GRIP1: variants seen among roughly 807,000 people sequenced by gnomAD.
GRIP1 encodes the protein glutamate receptor-interacting protein 1.
GRIP1 carries 45 observed loss-of-function variants against 129.9 expected under a neutral mutation model. The observed-to-expected ratio is 0.35, with a 90% CI of 0.27 to 0.44. The LOEUF (loss-of-function observed/expected upper bound fraction) is 0.44. GRIP1 is among the 20% of genes least tolerant of loss of function. The pLI is 1.00. For synonymous variants in GRIP1, 530 were observed against 520.8 expected (o/e 1.02, Z -0.24); for missense variants, 1,196 against 1,396.8 (o/e 0.86, Z 2.29).
rs577806689 is a variant in GRIP1 at position 66,451,612 on chromosome 12, G to A, written c.1354+3797C>T. The stretch of plus-strand genomic sequence containing the variant: ...TTTTGTAGAGACAGGGTTTCACCAT[G>A]TTGCCCAAACTGGTCTCAAACTCCT... On this transcript the variant is annotated intron_variant, in intron 11 of 24. Transcript: ENST00000359742. Among the ~76,000 whole-genome samples the A allele has an allele frequency of 7.9e-5, 12 of 151,752 alleles. No homozygotes were observed. The South Asian group carries it at 2.5e-3, about 32-fold the overall frequency.
At chr12:66,961,331 G>A (rs1346961871) in intron 1 of GRIP1, among the ~76,000 whole-genome samples, 1 of 152,064 alleles carries the variant, frequency 6.6e-6, no homozygotes, top group African/African-American at 2.4e-5. Context: ...TAGGGAAGTA[G>A]GAGGCGGGGA....
intron 7 of GRIP1, among the ~76,000 whole-genome samples, chr12:66,465,712 C>G (rs1487415799): frequency 6.6e-6 from 1 of 152,208 alleles, no homozygotes; most frequent in African/African-American, 2.4e-5. Context: ...TCTTTATCCC[C>G]TCCACAGTGC....
intron 1 of GRIP1, among the ~76,000 whole-genome samples, chr12:66,622,514 T>A (rs956725016): frequency 6.6e-6 from 1 of 152,146 alleles, no homozygotes; most frequent in Non-Finnish European, 1.5e-5. Flanking sequence ...TATACCTGTA[T>A]TAAAACATCT....
At chr12:66,941,976 T>A (rs1014189816) in intron 1 of GRIP1, among the ~76,000 whole-genome samples, 1 of 152,196 alleles carries the variant, frequency 6.6e-6, no homozygotes, top group African/African-American at 2.4e-5. Context: ...GCACTACCCA[T>A]AGAGGAATCA....
At chr12:66,914,073 C>A (rs1262229767) in intron 1 of GRIP1, among the ~76,000 whole-genome samples, 2 of 152,120 alleles carry the variant, frequency 1.3e-5, no homozygotes, top group Non-Finnish European at 2.9e-5. Flanking sequence ...ATGAGGAATG[C>A]TCTACAGACT....
chr12:66,905,440 T>C (rs529212513), intron 1 of GRIP1, among the ~76,000 whole-genome samples: 1 of 152,320 alleles, frequency 6.6e-6, no homozygotes, highest in Admixed American at 6.5e-5. Context: ...GGGAGGATAC[T>C]GAGAAACAGA....
chr12:67,026,390 A>AC (rs2042942349), intron 1 of GRIP1, among the ~76,000 whole-genome samples: 1 of 151,958 alleles, frequency 6.6e-6, no homozygotes, highest in African/African-American at 2.4e-5. Context: ...CTTACTTTTG[A>AC]CTTCCATAGT....
chr12:66,707,361 CAT>C (rs2136382113), intron 1 of GRIP1, among the ~76,000 whole-genome samples: 1 of 151,944 alleles, frequency 6.6e-6, no homozygotes, highest in South Asian at 2.1e-4. Flanking sequence ...CAGGTTAAAA[CAT>C]ACCATGTAAG....
chr12:66,465,565 C>G (rs1023946121), intron 7 of GRIP1, 143 bp from the exon 8 acceptor site: 26 of 704,354 alleles, frequency 3.7e-5, no homozygotes, highest in Admixed American at 2.7e-4. Flanking sequence ...ATAATATCCC[C>G]ACAGCCAATA....
intron 1 of GRIP1, among the ~76,000 whole-genome samples, chr12:67,051,628 A>T (rs2043347781): frequency 1.3e-5 from 2 of 152,196 alleles, no homozygotes; most frequent in Non-Finnish European, 1.5e-5. Context: ...TCAAAGAGGT[A>T]AAGCTAGTCA....
chr12:66,540,661 A>C (rs17102642), intron 3 of GRIP1, among the ~76,000 whole-genome samples: 7,228 of 152,332 alleles, frequency 0.047, 563 homozygotes, highest in African/African-American at 0.16. Context: ...AAAATTAATC[A>C]CAGAAATCAC....
At chr12:67,052,049 A>G (rs974115136) in intron 1 of GRIP1, among the ~76,000 whole-genome samples, 1 of 152,226 alleles carries the variant, frequency 6.6e-6, no homozygotes. Flanking sequence ...ATGGAGGCAT[A>G]TTCTTTAAAA....
chr12:66,946,049 C>T (rs2041663330), intron 1 of GRIP1, among the ~76,000 whole-genome samples: 2 of 152,322 alleles, frequency 1.3e-5, no homozygotes, highest in South Asian at 4.1e-4. Context: ...GCACTTAGCA[C>T]AAAGCTTGGT....
chr12:66,596,831 A>G lies in GRIP1; in HGVS notation c.136+16T>C. On this transcript the variant is annotated intron_variant, in intron 2 of 24. Coordinates refer to ENST00000359742, the MANE Select transcript of GRIP1 (RefSeq NM_001366722.1). ...CAAAAGTAAAACAGCTGAAAAATCC[A>G]ACAGTCTGGTCTAACCTGGGATGCT... 1.9e-6 allele frequency: 3 copies of G among 1,562,424 alleles called. No individual in the cohort carries two copies. The South Asian group carries it at 3.3e-5, about 17-fold the overall frequency.
intron 1 of GRIP1, among the ~76,000 whole-genome samples, chr12:66,867,285 A>G (rs1458679125): frequency 6.6e-6 from 1 of 152,102 alleles, no homozygotes; most frequent in African/African-American, 2.4e-5. Context: ...CATAGTGCCC[A>G]ATCTCATATT....
At chr12:66,404,887 C>T (rs1053295085) in intron 16 of GRIP1, among the ~76,000 whole-genome samples, 3 of 152,038 alleles carry the variant, frequency 2.0e-5, no homozygotes, top group Non-Finnish European at 4.4e-5. Flanking sequence ...CAACAATTAG[C>T]CAGGAAAGGT....
Position 66,793,385 on chromosome 12 carries a change from A to C in GRIP1, c.-420+10668T>G, listed in dbSNP as rs534968234. Among the ~76,000 whole-genome samples, 4 of 152,244 alleles carry C rather than the reference A, an allele frequency of 2.6e-5. No individual in the cohort carries two copies. The South Asian group carries it at 8.3e-4, about 32-fold the overall frequency. Reference sequence around the variant, plus strand: ...GATCTGTTTGCTCACCTTGGTGATAAATTTTCTTCCAGTCCAAGTATGCTG... The same window carrying C: ...GATCTGTTTGCTCACCTTGGTGATACATTTTCTTCCAGTCCAAGTATGCTG... On this transcript the variant is annotated intron_variant, in intron 1 of 4. Transcript: ENST00000538373.
intron 1 of GRIP1, among the ~76,000 whole-genome samples, chr12:66,936,988 T>C (rs1208963579): frequency 2.0e-5 from 3 of 152,202 alleles, no homozygotes; most frequent in South Asian, 2.1e-4. Context: ...CATTTCCTGT[T>C]TTATTACTGC....
At chr12:66,787,856 T>TC (rs2038403497) in intron 1 of GRIP1, among the ~76,000 whole-genome samples, 1 of 152,214 alleles carries the variant, frequency 6.6e-6, no homozygotes, top group Non-Finnish European at 1.5e-5. Context: ...TTAGAACAGG[T>TC]AGGGACTTAA....
Sources: gnomAD v4.1 joint callset for allele counts (sites outside exome capture counted in the v4.1 genomes callset) on GRCh38, gnomAD v4.1.1 for gene constraint, MANE v1.5 for transcripts, NCBI Gene and HGNC (gene_info 2026-07-23, HGNC 2026-07-21) for gene names.